The following RABGAP1L variants were observed in gnomAD, a reference collection of about 807,000 sequenced individuals.
RABGAP1L encodes the protein rab GTPase-activating protein 1-like.
Under a neutral mutation model 137.7 loss-of-function variants are expected in RABGAP1L, and 63 were observed. That is an observed-to-expected ratio of 0.46 (90% CI 0.37 to 0.56). RABGAP1L has a LOEUF of 0.56. Ranked by LOEUF, RABGAP1L falls within the 20% of genes least tolerant of loss-of-function variation. The pLI, the probability that RABGAP1L is intolerant of heterozygous loss-of-function variation, is 0.00. For synonymous variants in RABGAP1L, 431 were observed against 433.7 expected, an observed-to-expected ratio of 0.99 and a Z score of 0.08; for missense variants, 1,095 against 1,244.0, an observed-to-expected ratio of 0.88 and a Z score of 1.80.
At chr1:174,302,950 G>C (rs566153190) in intron 10 of RABGAP1L, among the ~76,000 whole-genome samples, 2 of 151,712 alleles carry the variant, frequency 1.3e-5, no homozygotes, top group East Asian at 3.9e-4. Context: ...CAAATAATAA[G>C]AATAACTATT....
intron 12 of RABGAP1L, among the ~76,000 whole-genome samples, chr1:174,383,317 C>T (rs1342113245): frequency 2.6e-5 from 4 of 151,524 alleles, no homozygotes; most frequent in Non-Finnish European, 2.9e-5. Flanking sequence ...GTGGGCTCCA[C>T]CCAGTTCGAG....
rs538548636 is a variant in RABGAP1L, at chr1:174,857,277, G to A, written c.2340+45317G>A. On this transcript the variant is annotated intron_variant, in intron 19 of 25. Transcript: ENST00000681986. ...GGGCCTGAGAGCCGCCATTTATGAC[G>A]CTTTGGTTTGTCACACCCTGCACAC... Among the ~76,000 whole-genome samples the A allele has an allele frequency of 3.3e-5, 5 of 152,236 alleles. No homozygotes were observed. In the South Asian group the frequency reaches 6.2e-4, roughly 19 times the overall value.
intron 19 of RABGAP1L, among the ~76,000 whole-genome samples, chr1:174,840,982 G>A (rs1397150652): frequency 6.6e-6 from 1 of 151,994 alleles, no homozygotes; most frequent in African/African-American, 2.4e-5. Context: ...AAGGCAATGA[G>A]GAATAATTCA....
intron 13 of RABGAP1L, among the ~76,000 whole-genome samples, chr1:174,556,731 T>A (rs140120024): frequency 6.6e-6 from 1 of 152,360 alleles, no homozygotes; most frequent in East Asian, 1.9e-4. Flanking sequence ...ATGAAGTAAG[T>A]TCAACTTTGG....
intron 22 of RABGAP1L, among the ~76,000 whole-genome samples, chr1:174,977,234 G>A (rs1300219895): frequency 1.3e-5 from 2 of 152,112 alleles, no homozygotes; most frequent in Admixed American, 1.3e-4. Context: ...CTTTTTCCTT[G>A]GAATCTGATT....
At chr1:174,762,053 C>G (rs954565762) in intron 18 of RABGAP1L, among the ~76,000 whole-genome samples, 20 of 152,132 alleles carry the variant, frequency 1.3e-4, no homozygotes, top group African/African-American at 4.6e-4. Context: ...AGGGGATGCT[C>G]TGTGCTGGGA....
In RABGAP1L at chr1:174,940,749, C is replaced by T. The variant is rs6674318; in HGVS notation, c.2341-16708C>T. Among the ~76,000 whole-genome samples the T allele has an allele frequency of 9.5e-3, 1,448 of 152,298 alleles. 25 individuals carry two copies. Among genetic ancestry groups the T allele is most frequent in the African/African-American group, 0.033 (1,388 of 41,564 alleles). On this transcript the variant is annotated intron_variant, in intron 19 of 25. Coordinates refer to ENST00000681986, the MANE Select transcript of RABGAP1L (RefSeq NM_001366446.1). ...ACAGTTCTAACGTCAGATATTCTGC[C>T]TCATAAGCCTGGCTACCAAAACAAT...
chr1:174,503,872 A>G (rs562367683), intron 13 of RABGAP1L, among the ~76,000 whole-genome samples: 6 of 152,106 alleles, frequency 3.9e-5, no homozygotes, highest in Admixed American at 3.9e-4. Flanking sequence ...GACACAAACA[A>G]ATGGGAATAT....
chr1:174,511,300 A>C (rs1662305976), intron 13 of RABGAP1L, among the ~76,000 whole-genome samples: 2 of 152,198 alleles, frequency 1.3e-5, no homozygotes, highest in South Asian at 4.1e-4. Context: ...ATGCAGAGAT[A>C]TATGTTTTCA....
chr1:174,863,239 A>AAAAAAAAAAG (rs2149028470), intron 19 of RABGAP1L, among the ~76,000 whole-genome samples: 1 of 150,344 alleles, frequency 6.7e-6, no homozygotes, highest in South Asian at 2.1e-4. Flanking sequence ...GTAGCAAAAA[A>AAAAAAAAAAG]AAAAAAAAAG....
chr1:174,541,120 T>C (rs974171279), intron 13 of RABGAP1L, among the ~76,000 whole-genome samples: 1 of 152,216 alleles, frequency 6.6e-6, no homozygotes, highest in African/African-American at 2.4e-5. Flanking sequence ...GGAATGCTTG[T>C]GATTTTTGCA....
intron 19 of RABGAP1L, among the ~76,000 whole-genome samples, chr1:174,833,400 G>A (rs28392915): frequency 4.4e-4 from 19 of 43,358 alleles, no homozygotes; most frequent in Admixed American, 3.4e-3. Context: ...GTGTGTGTGT[G>A]TATGTGTGTA....
chr1:174,982,071 C>T (rs1177473891), intron 23 of RABGAP1L, among the ~76,000 whole-genome samples: 1 of 152,168 alleles, frequency 6.6e-6, no homozygotes, highest in Non-Finnish European at 1.5e-5. Flanking sequence ...TGTTGCCAAA[C>T]CTACTTAATA....
In RABGAP1L at chr1:174,183,934, C is replaced by T. The variant is rs569903887; in HGVS notation, c.-34+24277C>T. On this transcript the variant is annotated intron_variant, in intron 1 of 25. Coordinates refer to ENST00000681986, the MANE Select transcript of RABGAP1L (RefSeq NM_001366446.1). ...AGGCTGGAGTGCAGTGGCGCGATCT[C>T]GGCTCACTGCAAGCTCTGCCTCCTG... is the stretch of plus-strand genomic sequence containing the variant. 6.8e-5 allele frequency among the ~76,000 whole-genome samples: 10 copies of T among 146,472 alleles called. 1 individual carries two copies. The South Asian group carries it at 1.8e-3, about 26-fold the overall frequency.
intron 18 of RABGAP1L, among the ~76,000 whole-genome samples, chr1:174,758,926 A>G (rs1380793943): frequency 2.0e-5 from 3 of 152,162 alleles, no homozygotes; most frequent in Admixed American, 1.3e-4. Context: ...TCTCTTCTCA[A>G]TATCCCATAT....
chr1:174,548,635 A>G (rs1016780021), intron 13 of RABGAP1L: 3 of 870,838 alleles, frequency 3.4e-6, no homozygotes, highest in South Asian at 5.3e-5. Context: ...CCATCTTCCA[A>G]TATTTCAGTA....
At chr1:174,818,027 T>TAACATAAC (rs1690615494) in intron 19 of RABGAP1L, among the ~76,000 whole-genome samples, 1 of 152,204 alleles carries the variant, frequency 6.6e-6, no homozygotes, top group African/African-American at 2.4e-5. Context: ...TTGAATATGT[T>TAACATAAC]GTTCGTGGTA....
chr1:174,648,856 A>C (rs1675210035), intron 14 of RABGAP1L, among the ~76,000 whole-genome samples: 1 of 152,128 alleles, frequency 6.6e-6, no homozygotes, highest in Non-Finnish European at 1.5e-5. Context: ...TAGGTCTCTA[A>C]GAACTTGTGT....
chr1:174,285,237 G>A (rs959040820), intron 10 of RABGAP1L, among the ~76,000 whole-genome samples: 22 of 152,180 alleles, frequency 1.4e-4, no homozygotes, highest in East Asian at 1.9e-4. Flanking sequence ...GGCTGGTCTC[G>A]AACTCCTGAC....
Sources: gnomAD v4.1 joint callset for allele counts (sites outside exome capture counted in the v4.1 genomes callset) on GRCh38, gnomAD v4.1.1 for gene constraint, MANE v1.5 for transcripts, NCBI Gene and HGNC (gene_info 2026-07-23, HGNC 2026-07-21) for gene names.